Variants in DNM3 observed in about 807,000 individuals in gnomAD.
DNM3 encodes the protein dynamin 3.
A neutral mutation model predicts 101.6 loss-of-function variants in DNM3; 47 were observed. That is an observed-to-expected ratio of 0.46 (90% CI 0.37 to 0.59). The LOEUF (loss-of-function observed/expected upper bound fraction) is 0.59, where lower values mean the gene tolerates loss of function less well. DNM3 is among the 20% of genes least tolerant of loss of function. The probability of loss-of-function intolerance (pLI) is 0.00; values close to 1 mark genes in which losing one functional copy is unlikely to be tolerated. For missense variants in DNM3, 849 were observed against 1,085.7 expected (o/e 0.78, Z 3.06); for synonymous variants, 385 against 387.9 (o/e 0.99, Z 0.09).
At chr1:171,867,786 G>A (rs918843231) in intron 1 of DNM3, among the ~76,000 whole-genome samples, 3 of 152,034 alleles carry the variant, frequency 2.0e-5, no homozygotes, top group Admixed American at 6.6e-5. Flanking sequence ...CAGTGGTACC[G>A]TTGGTCATAT....
intron 1 of DNM3, among the ~76,000 whole-genome samples, chr1:171,882,430 T>TACACACACAC (rs34753464): frequency 3.0e-4 from 43 of 145,430 alleles, no homozygotes; most frequent in African/African-American, 1.1e-3. Flanking sequence ...TCTCTCTCTA[T>TACACACACAC]ACACACACAC....
intron 15 of DNM3, among the ~76,000 whole-genome samples, chr1:172,286,953 C>T (rs1227274308): frequency 6.6e-6 from 1 of 152,186 alleles, no homozygotes; most frequent in Non-Finnish European, 1.5e-5. Flanking sequence ...CAACCACAGA[C>T]CTCTACCAGA....
At chr1:172,065,772 T>C (rs956036687) in intron 10 of DNM3, among the ~76,000 whole-genome samples, 3 of 152,216 alleles carry the variant, frequency 2.0e-5, no homozygotes. Context: ...TTTATGATGT[T>C]ATGAACATAA....
intron 14 of DNM3, among the ~76,000 whole-genome samples, chr1:172,158,458 A>C (rs2058425499): frequency 6.6e-6 from 1 of 152,048 alleles, no homozygotes; most frequent in South Asian, 2.1e-4. Flanking sequence ...AGGCACAGGC[A>C]GTGGAAAAGA....
At chr1:172,255,088 G>A (rs1455862999) in intron 15 of DNM3, among the ~76,000 whole-genome samples, 1 of 151,986 alleles carries the variant, frequency 6.6e-6, no homozygotes, top group South Asian at 2.1e-4. Context: ...TGCTCAGAGT[G>A]ACTCATAATA....
chr1:172,163,625 A>G (rs779012102), intron 14 of DNM3, among the ~76,000 whole-genome samples: 9 of 151,884 alleles, frequency 5.9e-5, no homozygotes, highest in Non-Finnish European at 8.8e-5. Context: ...CCTTTGAGCA[A>G]CACTTCCCCA....
At chr1:171,981,113 G>A (rs1007655778) in intron 2 of DNM3, among the ~76,000 whole-genome samples, 1 of 152,094 alleles carries the variant, frequency 6.6e-6, no homozygotes, top group African/African-American at 2.4e-5. Flanking sequence ...GGGAAACACA[G>A]AAGAGTAAAA....
At chr1:172,115,865 A>G (rs141670950) in intron 13 of DNM3, among the ~76,000 whole-genome samples, 50 of 152,318 alleles carry the variant, frequency 3.3e-4, no homozygotes, top group African/African-American at 1.1e-3. Context: ...CACAGTATTT[A>G]TCATCTCCAG....
chr1:172,333,442 A>T (rs2066279035), intron 17 of DNM3, among the ~76,000 whole-genome samples: 1 of 152,184 alleles, frequency 6.6e-6, no homozygotes, highest in African/African-American at 2.4e-5. Context: ...AAGCAATCTG[A>T]ATAGATGGAG....
chr1:171,972,666 A>G (rs1320772431), intron 2 of DNM3, among the ~76,000 whole-genome samples: 2 of 152,174 alleles, frequency 1.3e-5, no homozygotes, highest in African/African-American at 4.8e-5. Flanking sequence ...CCTGACCAAC[A>G]TGGAGAAACC....
At chr1:171,919,867 C>T (rs1283010237) in intron 1 of DNM3, among the ~76,000 whole-genome samples, 6 of 152,056 alleles carry the variant, frequency 3.9e-5, no homozygotes, top group South Asian at 2.1e-4. Context: ...CATTAGGTTC[C>T]GAACTCCTGG....
intron 18 of DNM3, 111 bp from the exon 19 acceptor site, chr1:172,387,022 T>C: frequency 5.8e-6 from 5 of 863,130 alleles, no homozygotes; most frequent in Non-Finnish European, 9.2e-6. Context: ...AGGGTGGACT[T>C]TGGTGGACTT....
chr1:171,926,223 T>C (rs1391463394), intron 2 of DNM3, among the ~76,000 whole-genome samples: 1 of 152,212 alleles, frequency 6.6e-6, no homozygotes, highest in East Asian at 1.9e-4. Flanking sequence ...CTATTAATTT[T>C]AGTATTGTTT....
Position 172,068,262 on chromosome 1 carries a change from AG to A in DNM3, c.1336-555del, listed in dbSNP as rs113631226. ...AGAATCGCTTGAACCCAGGAGGCAGAGGTTGCAGTGAGCTGAGATTGCGCCA... is the reference window on the plus strand; with the variant it reads ...AGAATCGCTTGAACCCAGGAGGCAGAGTTGCAGTGAGCTGAGATTGCGCCA... On this transcript the variant is annotated intron_variant, in intron 10 of 20. Transcript: ENST00000627582. Among the ~76,000 whole-genome samples the A allele has an allele frequency of 6.4e-3, 975 of 152,260 alleles. 10 individuals carry two copies. Among genetic ancestry groups the A allele is most frequent in the African/African-American group, 0.022 (927 of 41,550 alleles).
At chr1:172,262,736 C>A (rs985631716) in intron 15 of DNM3, among the ~76,000 whole-genome samples, 3 of 152,184 alleles carry the variant, frequency 2.0e-5, no homozygotes, top group African/African-American at 7.2e-5. Flanking sequence ...ATCTAGGCAG[C>A]CATCTTGAAG....
At chr1:171,998,697 G>A (rs1326208887) in intron 4 of DNM3, among the ~76,000 whole-genome samples, 1 of 152,086 alleles carries the variant, frequency 6.6e-6, no homozygotes, top group Non-Finnish European at 1.5e-5. Flanking sequence ...AATAAGTGCT[G>A]CAAAGAAAAA....
At chr1:172,400,647 C>T (rs772890261) in intron 20 of DNM3, among the ~76,000 whole-genome samples, 3 of 152,054 alleles carry the variant, frequency 2.0e-5, no homozygotes, top group Non-Finnish European at 4.4e-5. Flanking sequence ...AGTACAAAGG[C>T]CAAAATACTT....
At chr1:172,225,134 CTTTTTTTTTT>C (rs1168334078) in intron 14 of DNM3, among the ~76,000 whole-genome samples, 65 of 65,528 alleles carry the variant, frequency 9.9e-4, no homozygotes, top group Non-Finnish European at 1.7e-3. Flanking sequence ...TCTTCTTCCT[CTTTTTTTTTT>C]TTTTTTTTTT....
rs1558617898 is a variant in DNM3, at chr1:172,131,261, A to ATACC, written c.1632_1633insTACC (p.Ser545TyrfsTer7). The ATACC allele has an allele frequency of 6.2e-7, 1 of 1,613,188 alleles. No homozygotes were observed. Among genetic ancestry groups the ATACC allele is most frequent in the Non-Finnish European group, 8.5e-7 (1 of 1,179,450 alleles). On this transcript the variant is annotated frameshift_variant, in exon 14 of 21. Coordinates refer to ENST00000627582, the MANE Select transcript of DNM3 (RefSeq NM_015569.5). LOFTEE classifies it high-confidence loss of function. The stretch of plus-strand genomic sequence containing the variant: ...GATACTGGTTCGTCCTTACTGCGGA[A>ATACC]AGCTTGTCCTGGTATAAAGATGATG...
Sources: allele counts gnomAD v4.1 joint callset (sites outside exome capture counted in the v4.1 genomes callset), GRCh38; gene constraint gnomAD v4.1.1; transcripts MANE v1.5; gene names NCBI Gene and HGNC (gene_info 2026-07-23, HGNC 2026-07-21).